Variants in ITPR2 observed in about 807,000 individuals in gnomAD.
ITPR2 encodes the protein inositol 1,4,5-trisphosphate-gated calcium channel ITPR2.
In ITPR2, 207 loss-of-function variants were observed where a neutral mutation model predicts 317.1. The observed-to-expected ratio is 0.65, with a 90% CI of 0.58 to 0.73. The LOEUF (loss-of-function observed/expected upper bound fraction) is 0.73, where lower values mean the gene tolerates loss of function less well. ITPR2 is among the 30% of genes least tolerant of loss of function. The pLI is 0.00. For missense variants in ITPR2, 2,613 were observed against 3,284.0 expected, an observed-to-expected ratio of 0.80 and a Z score of 4.99; for synonymous variants, 1,156 against 1,149.1, an observed-to-expected ratio of 1.01 and a Z score of -0.12.
chr12:26,726,288 A>C (rs897143362), intron 2 of ITPR2, among the ~76,000 whole-genome samples: 4 of 152,198 alleles, frequency 2.6e-5, no homozygotes, highest in African/African-American at 9.6e-5. Context: ...ATATGATGGA[A>C]ACATAAAGCA....
At chr12:26,640,612 T>C (rs1039056581) in intron 21 of ITPR2, among the ~76,000 whole-genome samples, 2 of 152,174 alleles carry the variant, frequency 1.3e-5, no homozygotes, top group Admixed American at 6.5e-5. Flanking sequence ...AGTCAATAAA[T>C]CTGAATCTCT....
In ITPR2 at chr12:26,439,458, G is replaced by A. The variant is rs546696408; in HGVS notation, c.6451-139C>T. ...ATGTGCCAACTTGAAGTATCTGAAA[G>A]AACCCTTTTTACTATACTACTTTGT... On this transcript the variant is annotated intron_variant, in intron 46 of 56. Transcript: ENST00000381340. The A allele has an allele frequency of 6.9e-6, 4 of 580,326 alleles. No individual in the cohort carries two copies. In the East Asian group the frequency reaches 1.2e-4, roughly 18 times the overall value. 35.9% of individuals were successfully genotyped at this position (580,326 alleles called of 1,614,324 possible).
At chr12:26,608,580 T>G (rs11048611) in intron 26 of ITPR2, among the ~76,000 whole-genome samples, 68,922 of 149,060 alleles carry the variant, frequency 0.46, 15,828 homozygotes, top group Middle Eastern at 0.58. Flanking sequence ...CACAGTCTAT[T>G]AATTGAGGAG....
intron 45 of ITPR2, among the ~76,000 whole-genome samples, chr12:26,467,145 A>G (rs987727350): frequency 4.6e-5 from 7 of 152,356 alleles, no homozygotes; most frequent in Admixed American, 2.6e-4. Context: ...GTTTCAGTAT[A>G]AATTAAACTT....
At chr12:26,495,023 A>G in intron 38 of ITPR2, 129 bp downstream of exon 38, 1 of 660,324 alleles carries the variant, frequency 1.5e-6, no homozygotes, top group Non-Finnish European at 2.7e-6. Context: ...AAATTGTATG[A>G]AAGTTTTTAA....
At chr12:26,690,828 C>T (rs1948226228) in intron 10 of ITPR2, among the ~76,000 whole-genome samples, 1 of 152,180 alleles carries the variant, frequency 6.6e-6, no homozygotes, top group Non-Finnish European at 1.5e-5. Context: ...AAAGAGGTCA[C>T]TCTGAATTAC....
chr12:26,766,195 C>T (rs571091013), intron 2 of ITPR2, among the ~76,000 whole-genome samples: 1 of 152,222 alleles, frequency 6.6e-6, no homozygotes, highest in South Asian at 2.1e-4. Context: ...TTCTGAGGAA[C>T]TTCCAGATTG....
At chr12:26,591,079 C>CAA (rs34387951) in intron 32 of ITPR2, among the ~76,000 whole-genome samples, 1,459 of 42,886 alleles carry the variant, frequency 0.034, 73 homozygotes, top group African/African-American at 0.073. Flanking sequence ...GACTCCATCT[C>CAA]AAAAAAAAAA....
Position 26,483,857 on chromosome 12 carries a change from T to C in ITPR2, c.5853A>G (p.Leu1951=). The C allele has an allele frequency of 1.9e-6, 3 of 1,614,182 alleles. No individual in the cohort carries two copies. Among genetic ancestry groups the C allele is most frequent in the Non-Finnish European group, 1.7e-6 (2 of 1,180,010 alleles). The change falls in exon 42 of 57, where the codon CTA becomes CTG. Residue 1951 remains leucine (L), a synonymous_variant. Transcript: ENST00000381340. ...CCAGAAACTGAAGGGTCTCACAGAC[T>C]AGGTTGTAATTTGTTTTGTTGTTTT... ...RNQNNKTNYN[L]VCETLQFLDC...
intron 34 of ITPR2, among the ~76,000 whole-genome samples, chr12:26,568,009 T>TATATATA (rs1945050417): frequency 1.8e-4 from 1 of 5,480 alleles, no homozygotes; most frequent in Non-Finnish European, 3.3e-3. Context: ...ATATATATTA[T>TATATATA]ATATATATAT....
rs548669554 is a variant in ITPR2, at chr12:26,576,166, G to A, written c.4630+2547C>T. Among the ~76,000 whole-genome samples, 30 of 152,162 alleles carry A rather than the reference G, an allele frequency of 2.0e-4. No individual in the cohort carries two copies. The South Asian group carries it at 5.6e-3, about 28-fold the overall frequency. On this transcript the variant is annotated intron_variant, in intron 34 of 56. Transcript: ENST00000381340. ...TTATTGGTTAGTGTGTTTCCTAACC[G>A]ATTTGGCCCAAATAAAAATACATTT... is the stretch of plus-strand genomic sequence containing the variant.
intron 2 of ITPR2, among the ~76,000 whole-genome samples, chr12:26,746,985 CT>C (rs1360009868): frequency 2.6e-5 from 4 of 152,126 alleles, no homozygotes; most frequent in African/African-American, 9.7e-5. Context: ...TACTTTTTCT[CT>C]TGCTAAATAT....
chr12:26,492,035 C>T (rs1289492714), intron 39 of ITPR2, among the ~76,000 whole-genome samples: 9 of 152,094 alleles, frequency 5.9e-5, no homozygotes, highest in Non-Finnish European at 1.3e-4. Flanking sequence ...AGAGTGAGAA[C>T]AGAGAGTCCA....
chr12:26,425,538 C>T (rs753218457), intron 49 of ITPR2, among the ~76,000 whole-genome samples: 19 of 151,846 alleles, frequency 1.3e-4, no homozygotes, highest in Non-Finnish European at 2.4e-4. Context: ...CATGGTGGCA[C>T]GCGCCCATAG....
intron 8 of ITPR2, 70 bp from the exon 9 acceptor site, chr12:26,711,338 T>G: frequency 2.0e-6 from 2 of 998,302 alleles, no homozygotes; most frequent in South Asian, 2.6e-5. Context: ...ACCAACAGTT[T>G]ACATGCCTGC....
intron 48 of ITPR2, among the ~76,000 whole-genome samples, chr12:26,433,790 T>C (rs1414150679): frequency 6.6e-6 from 1 of 152,064 alleles, no homozygotes; most frequent in Non-Finnish European, 1.5e-5. Context: ...AAAGATCTCA[T>C]GAGGCTACTT....
chr12:26,488,228 A>G (rs553127881), intron 39 of ITPR2, among the ~76,000 whole-genome samples: 1 of 152,316 alleles, frequency 6.6e-6, no homozygotes, highest in African/African-American at 2.4e-5. Flanking sequence ...ATAACTCCCT[A>G]ACTGTAGTGA....
intron 37 of ITPR2, among the ~76,000 whole-genome samples, chr12:26,535,999 A>G (rs1452085762): frequency 6.6e-6 from 1 of 152,224 alleles, no homozygotes; most frequent in East Asian, 1.9e-4. Context: ...GACGATGAGA[A>G]GCAGCATACT....
In ITPR2 at chr12:26,665,954, G is replaced by A. The variant is rs775062499; in HGVS notation, c.1507C>T (p.Arg503Ter). ...VLDVVITKPNRERQKLMREQN... is the reference protein window; with the variant it reads ...VLDVVITKPN Reference sequence around the variant, plus strand: ...TCCCTCATCAATTTTTGACGCTCTCGGTTTGGCTTAGTGATAACCACATCC... The same window carrying A: ...TCCCTCATCAATTTTTGACGCTCTCAGTTTGGCTTAGTGATAACCACATCC... Residue 503 changes from arginine to a stop codon, truncating the protein, a stop_gained, in exon 14 of 57, where the codon CGA (arginine) becomes TGA (stop). Transcript: ENST00000381340. LOFTEE classifies it high-confidence loss of function. 12 of 1,613,560 alleles carry A rather than the reference G, an allele frequency of 7.4e-6. No homozygotes were observed. The highest frequency in any genetic ancestry group is 2.2e-5 in the South Asian group (2 of 90,992).
Sources: allele counts gnomAD v4.1 joint callset (sites outside exome capture counted in the v4.1 genomes callset), GRCh38; gene constraint gnomAD v4.1.1; transcripts MANE v1.5; gene names NCBI Gene and HGNC (gene_info 2026-07-23, HGNC 2026-07-21).